Variants in AATK observed in about 807,000 individuals in gnomAD.
AATK encodes the protein lemur tail kinase 1.
A neutral mutation model predicts 114.3 loss-of-function variants in AATK; 91 were observed. The ratio of observed to expected loss-of-function variants is 0.80; its 90% CI spans 0.67 to 0.95. The LOEUF is 0.95. Among genes scored for constraint, AATK ranks in the 40% least tolerant of loss-of-function variants. The probability of loss-of-function intolerance (pLI) is 0.00; values close to 1 mark genes in which losing one functional copy is unlikely to be tolerated. For synonymous variants in AATK, 1,075 were observed against 916.5 expected, an observed-to-expected ratio of 1.17 and a Z score of -3.12; for missense variants, 2,176 against 1,965.2, an observed-to-expected ratio of 1.11 and a Z score of -2.03.
At chr17:81,157,153 C>A (rs918499108) in intron 1 of AATK, among the ~76,000 whole-genome samples, 2 of 152,212 alleles carry the variant, frequency 1.3e-5, no homozygotes, top group Non-Finnish European at 2.9e-5. Context: ...TCACAAGACA[C>A]CGCCCCCGCC....
intron 9 of AATK, 45 bp from the exon 10 acceptor site, chr17:81,123,388 C>T (rs1003049008): frequency 3.0e-6 from 4 of 1,325,658 alleles, no homozygotes; most frequent in African/African-American, 3.1e-5. Flanking sequence ...CAGCCTGCCA[C>T]AGCAAGGACC....
At chr17:81,118,522 A>T in intron 13 of AATK, 80 bp from the exon 14 acceptor site, 1 of 1,474,880 alleles carries the variant, frequency 6.8e-7, no homozygotes, top group Non-Finnish European at 9.3e-7. Context: ...CCTGGCCTCC[A>T]TCCCTGGCCC....
At chr17:81,141,470 G>C (rs2061137458) in intron 1 of AATK, among the ~76,000 whole-genome samples, 2 of 152,140 alleles carry the variant, frequency 1.3e-5, no homozygotes, top group Admixed American at 1.3e-4. Flanking sequence ...GAAAGTAAGT[G>C]ACTTTCAATT....
At position 81,125,044 on chromosome 17, in the gene AATK, GTGA is replaced by G. The variant is rs768419922; in HGVS notation, c.756-33_756-31del. 0.037 allele frequency: 2,237 copies of G among 60,420 alleles called. 9 individuals are homozygous for G. In the East Asian group the frequency reaches 0.43, roughly 12 times the overall value. The allele number at this position is 60,420 out of a possible 1,614,324, so 3.7% of individuals were successfully genotyped here. A position where few individuals can be genotyped will look rare whatever the true frequency, so the allele number is the denominator to read the frequency against. On this transcript the variant is annotated intron_variant, in intron 7 of 13. Transcript: ENST00000326724. ...AGGCAGGGGCAGGGGCAGGGGCAGG[GTGA>G]GCAGGGTGAGCAGGGTGTGCCGGGT... is the stretch of plus-strand genomic sequence containing the variant.
At chr17:81,149,438 CCT>C (rs1283555617) in intron 1 of AATK, among the ~76,000 whole-genome samples, 1 of 152,094 alleles carries the variant, frequency 6.6e-6, no homozygotes, top group Non-Finnish European at 1.5e-5. Flanking sequence ...ACCCCAGCCC[CCT>C]GAGGAAACCC....
At chr17:81,137,951 C>T (rs540221038) in intron 1 of AATK, among the ~76,000 whole-genome samples, 1,567 of 151,544 alleles carry the variant, frequency 0.01, 21 homozygotes, top group Middle Eastern at 0.041. Flanking sequence ...TCCACACGCA[C>T]GCACACATCC....
At position 81,122,651 on chromosome 17, in the gene AATK, CG is replaced by C; in HGVS notation, c.1284del (p.Gly429ValfsTer38). 3 of 1,468,774 alleles carry C rather than the reference CG, an allele frequency of 2.0e-6. No homozygotes were observed. The highest frequency in any genetic ancestry group is 1.8e-6 in the Non-Finnish European group (2 of 1,106,922). 91.0% of individuals were successfully genotyped at this position (1,468,774 alleles called of 1,614,324 possible). On this transcript the variant is annotated frameshift_variant, in exon 11 of 14. Coordinates refer to ENST00000326724, the MANE Select transcript of AATK (RefSeq NM_001080395.3). LOFTEE classifies it high-confidence loss of function. The stretch of plus-strand genomic sequence containing the variant: ...CCGCCCAGCATGGGCCCCGCCGCAC[CG>C]GGCCCGGGCCCCACGCCGCCCCCGC... ...RPGGGGVGPG[P>X]GAAGPMLGGV... is the part of the protein sequence containing the mutation.
intron 1 of AATK, among the ~76,000 whole-genome samples, chr17:81,140,866 T>TG (rs2061121782): frequency 3.5e-5 from 3 of 86,396 alleles, no homozygotes; most frequent in African/African-American, 1.6e-4. Context: ...TGTGGGGCCG[T>TG]GAGCCGTGGG....
At chr17:81,122,981 C>T (rs1430948578) in intron 10 of AATK, among the ~76,000 whole-genome samples, 158 bp from the exon 11 acceptor site, 7 of 152,226 alleles carry the variant, frequency 4.6e-5, no homozygotes, top group Non-Finnish European at 8.8e-5. Context: ...GCAAGCCCAG[C>T]AGCGTGGGAG....
intron 1 of AATK, among the ~76,000 whole-genome samples, chr17:81,155,694 CT>C (rs74524013): frequency 1.3e-4 from 18 of 138,562 alleles, no homozygotes; most frequent in Middle Eastern, 3.8e-3. Flanking sequence ...TATAATATTT[CT>C]TTTTTTTTTT....
At chr17:81,162,510 C>T (rs1425072261) in intron 1 of AATK, among the ~76,000 whole-genome samples, 1 of 152,178 alleles carries the variant, frequency 6.6e-6, no homozygotes, top group African/African-American at 2.4e-5. Flanking sequence ...AAGGGGAGGA[C>T]TCCCGGGGAC....
chr17:81,140,854 G>GCCGGGAGA (rs1301361686), intron 1 of AATK, among the ~76,000 whole-genome samples: 3 of 91,496 alleles, frequency 3.3e-5, no homozygotes, highest in African/African-American at 1.5e-4. Flanking sequence ...GAGCCGTGGG[G>GCCGGGAGA]CTGTGGGGCC....
At chr17:81,119,169 AGGGTCAGGTGAGGGTCAGG>A (rs2060634379) in intron 13 of AATK, among the ~76,000 whole-genome samples, 192 bp downstream of exon 13, 1 of 124,872 alleles carries the variant, frequency 8.0e-6, no homozygotes, top group East Asian at 2.5e-4. Flanking sequence ...GGGTCAGGTG[AGGGTCAGGTGAGGGTCAGG>A]TGAGGGCCAG....
At position 81,118,093 on chromosome 17, in the gene AATK, A is replaced by G. The variant is rs2060590202; in HGVS notation, c.*309T>C. The stretch of plus-strand genomic sequence containing the variant: ...GCAGAGGGTGGGGGCCGCCGTGCCC[A>G]GGGGCACTGGCCCCTTTTGAGTGTG... On this transcript the variant is annotated 3_prime_UTR_variant, in exon 14 of 14. Coordinates refer to ENST00000326724, the MANE Select transcript of AATK (RefSeq NM_001080395.3). The G allele has an allele frequency of 3.0e-6, 1 of 333,876 alleles. No homozygotes were observed. Among genetic ancestry groups the G allele is most frequent in the Non-Finnish European group, 5.5e-6 (1 of 181,034 alleles). 20.7% of individuals were successfully genotyped at this position (333,876 alleles called of 1,614,324 possible).
At chr17:81,136,933 C>G (rs528423690) in intron 1 of AATK, among the ~76,000 whole-genome samples, 1 of 152,106 alleles carries the variant, frequency 6.6e-6, no homozygotes, top group Non-Finnish European at 1.5e-5. Context: ...AGCGGCTGTC[C>G]GAAGCTCCAG....
intron 1 of AATK, among the ~76,000 whole-genome samples, chr17:81,138,706 TACCC>T (rs2061070803): frequency 7.3e-6 from 1 of 137,834 alleles, no homozygotes; most frequent in African/African-American, 2.8e-5. Flanking sequence ...AGCACGCAGA[TACCC>T]ACACGCGCAA....
chr17:81,144,731 G>T (rs570035569), intron 1 of AATK, among the ~76,000 whole-genome samples: 1 of 152,382 alleles, frequency 6.6e-6, no homozygotes, highest in South Asian at 2.1e-4. Context: ...CACAAGCTAC[G>T]AAGTCCAGCG....
At chr17:81,162,403 G>T (rs1257854295) in intron 1 of AATK, among the ~76,000 whole-genome samples, 2 of 152,162 alleles carry the variant, frequency 1.3e-5, no homozygotes, top group African/African-American at 4.8e-5. Context: ...GGTGCTTGCT[G>T]CCTGAGCCTG....
At chr17:81,144,009 T>C (rs898619378) in intron 1 of AATK, among the ~76,000 whole-genome samples, 9 of 152,098 alleles carry the variant, frequency 5.9e-5, no homozygotes, top group Non-Finnish European at 1.2e-4. Flanking sequence ...CAAGCTGCCT[T>C]CCTGCAGGGA....
Sources: gnomAD v4.1 joint callset for allele counts (sites outside exome capture counted in the v4.1 genomes callset) on GRCh38, gnomAD v4.1.1 for gene constraint, MANE v1.5 for transcripts, NCBI Gene and HGNC (gene_info 2026-07-23, HGNC 2026-07-21) for gene names.